The following PSRC1 variants were observed in gnomAD, a reference collection of about 807,000 sequenced individuals.
PSRC1 encodes proline/serine-rich coiled-coil protein 1.
A neutral mutation model predicts 31.9 loss-of-function variants in PSRC1; 30 were observed. The ratio of observed to expected loss-of-function variants is 0.94; its 90% CI spans 0.70 to 1.28. The LOEUF (loss-of-function observed/expected upper bound fraction) is 1.28. Among genes scored for constraint, PSRC1 ranks in the 50% most tolerant of loss-of-function variants. PSRC1 has a pLI of 0.00. For synonymous variants in PSRC1, 191 were observed against 192.1 expected, an observed-to-expected ratio of 0.99 and a Z score of 0.05; for missense variants, 481 against 472.8, an observed-to-expected ratio of 1.02 and a Z score of -0.16.
At chr1:109,279,618 T>C (rs1656718253) in exon 7 of PSRC1, 2 of 156,374 alleles carry the variant, frequency 1.3e-5, no homozygotes, top group Admixed American at 1.3e-4. Flanking sequence ...AGAGTAAGCT[T>C]ATCACAAACT....
At chr1:109,280,400 T>G (rs751846649) in exon 6 of PSRC1, 20 of 1,607,290 alleles carry the variant, frequency 1.2e-5, no homozygotes, top group African/African-American at 4.0e-5. Flanking sequence ...ACTGACCTGG[T>G]AGGTCCTGGG....
At position 109,280,918 on chromosome 1, in the gene PSRC1, T is replaced by TG. The variant is rs749926297; in HGVS notation, c.852dup (p.Arg285GlnfsTer91). 21 of 1,613,802 alleles carry TG rather than the reference T, an allele frequency of 1.3e-5. No individual in the cohort carries two copies. The highest frequency in any genetic ancestry group is 1.6e-4 in the Middle Eastern group (1 of 6,082). On this transcript the variant is annotated frameshift_variant, in exon 5 of 7. Transcript: ENST00000409138. LOFTEE classifies it high-confidence loss of function. Reference sequence around the variant, plus strand: ...GTGAGTGGCATTCGGCTGGCAGGCCTGGGGATGGCCGAGGGAATGGGCAGT... The same window carrying TG: ...GTGAGTGGCATTCGGCTGGCAGGCCTGGGGGATGGCCGAGGGAATGGGCAGT...
exon 4 of PSRC1, chr1:109,281,936 G>T: frequency 1.3e-6 from 2 of 1,585,922 alleles, no homozygotes; most frequent in East Asian, 2.3e-5. Flanking sequence ...GGACTGAGGG[G>T]GCCTAGGCTG....
chr1:109,281,899 T>C (rs746210158), exon 4 of PSRC1: 1 of 1,610,388 alleles, frequency 6.2e-7, no homozygotes, highest in Admixed American at 1.7e-5. Context: ...CCGGTTGGCC[T>C]CATCGAGGAT....
At chr1:109,280,457 T>C in exon 6 of PSRC1, 1 of 1,613,526 alleles carries the variant, frequency 6.2e-7, no homozygotes, top group Non-Finnish European at 8.5e-7. Context: ...GTGGCACCCA[T>C]GACAGGAAGA....
At chr1:109,282,568 C>T (rs1657358276) in exon 3 of PSRC1, 2 of 1,614,018 alleles carry the variant, frequency 1.2e-6, no homozygotes, top group Admixed American at 1.7e-5. Flanking sequence ...CCACAATAAA[C>T]CTTACATCTG....
Position 109,281,605 on chromosome 1 carries a change from C to T in PSRC1, c.519+14G>A, listed in dbSNP as rs770292698. 6.3e-7 allele frequency: 1 copy of T among 1,599,162 alleles called. No individual in the cohort carries two copies. Among genetic ancestry groups the T allele is most frequent in the Admixed American group, 1.7e-5 (1 of 59,504 alleles). On this transcript the variant is annotated intron_variant, in intron 4 of 6. Coordinates refer to ENST00000409138, the Ensembl canonical transcript of PSRC1. ...TGTCTGGGGCACACCTCCAACTCAACTCTCTCAACTCACCCTCTTCATGTT... is the reference window on the plus strand; with the variant it reads ...TGTCTGGGGCACACCTCCAACTCAATTCTCTCAACTCACCCTCTTCATGTT...
At chr1:109,280,807 C>T (rs1656943832) in exon 5 of PSRC1, 1 of 1,599,320 alleles carries the variant, frequency 6.3e-7, no homozygotes, top group African/African-American at 1.3e-5. Flanking sequence ...ACTCTGTGTC[C>T]TGCAGTGCTT....
intron 1 of PSRC1, 84 bp from the exon 2 acceptor site, chr1:109,282,820 G>A: frequency 2.2e-6 from 3 of 1,391,114 alleles, no homozygotes; most frequent in Non-Finnish European, 3.0e-6. Context: ...AGGGTCGGGG[G>A]TCATGCTGGA....
chr1:109,281,320 T>TA, intron 4 of PSRC1, 69 bp from the exon 5 acceptor site: 1 of 1,340,966 alleles, frequency 7.5e-7, no homozygotes. Flanking sequence ...CTTAAGGAAT[T>TA]AAGAAATAGA....
At chr1:109,281,501 T>C in intron 4 of PSRC1, 118 bp downstream of exon 4, 1 of 982,726 alleles carries the variant, frequency 1.0e-6, no homozygotes, top group Non-Finnish European at 1.5e-6. Flanking sequence ...TCTCATTTAA[T>C]TCCAACAATT....
chr1:109,281,050 G>C lies in PSRC1; in HGVS notation c.721C>G (p.Pro241Ala), dbSNP rs1163224087. ...GATCTGATGGGGGTGGGTGGGCCTG[G>C]TGGAGAGGGGTGGAGAAATTTCAGG... Residue 241 changes from proline to alanine, a missense_variant, in exon 5 of 7, where the codon CCA (proline) becomes GCA (alanine). By Grantham distance (27) the Pro-to-Ala change is conservative. Transcript: ENST00000409138. 1.2e-6 allele frequency: 2 copies of C among 1,613,196 alleles called. No individual in the cohort carries two copies. The highest frequency in any genetic ancestry group is 1.7e-6 in the Non-Finnish European group (2 of 1,179,810).
chr1:109,281,023 C>T (rs567496428), exon 5 of PSRC1: 27 of 1,530,666 alleles, frequency 1.8e-5, no homozygotes, highest in South Asian at 1.6e-4. Context: ...GGGGCCAGGA[C>T]GGATCTGATG....
At chr1:109,280,870 T>C (rs1262452600) in exon 5 of PSRC1, 3 of 1,613,912 alleles carry the variant, frequency 1.9e-6, no homozygotes, top group East Asian at 2.2e-5. Context: ...AGGGCACCTC[T>C]GCCAGGTGGC....
chr1:109,283,022 A>G, intron 1 of PSRC1, 41 bp downstream of exon 1: 1 of 484,610 alleles, frequency 2.1e-6, no homozygotes, highest in South Asian at 2.7e-5. Flanking sequence ...GCACTCCCCA[A>G]GCCACCTTTC....
At chr1:109,281,795 C>G (rs775579808) in exon 4 of PSRC1, 8 of 1,613,996 alleles carry the variant, frequency 5.0e-6, no homozygotes, top group Non-Finnish European at 6.8e-6. Flanking sequence ...ACAAAGGTCT[C>G]CCGCCGAGGA....
exon 4 of PSRC1, chr1:109,281,964 G>A (rs1243672393): frequency 6.5e-7 from 1 of 1,540,180 alleles, no homozygotes; most frequent in Non-Finnish European, 8.7e-7. Context: ...CACCCTGGGG[G>A]GCAGGTGCCA....
exon 7 of PSRC1, chr1:109,279,972 C>G: frequency 1.3e-6 from 1 of 753,518 alleles, no homozygotes; most frequent in Non-Finnish European, 2.3e-6. Flanking sequence ...TCTTCTCCAG[C>G]TCAATCCTAA....
intron 4 of PSRC1, 104 bp downstream of exon 4, chr1:109,281,515 G>C: frequency 9.6e-7 from 1 of 1,039,820 alleles, no homozygotes; most frequent in Non-Finnish European, 1.4e-6. Flanking sequence ...AACAATTCTA[G>C]ATGTAGAAAT....
Sources: gnomAD v4.1 joint callset for allele counts on GRCh38, gnomAD v4.1.1 for gene constraint, MANE v1.5 for transcripts, NCBI Gene and HGNC (gene_info 2026-07-23, HGNC 2026-07-21) for gene names.